GLB1: variants seen among roughly 807,000 people sequenced by gnomAD.
GLB1 encodes the protein galactosidase beta 1.
In GLB1, 56 loss-of-function variants were observed where a neutral mutation model predicts 74.0. The ratio of observed to expected loss-of-function variants is 0.76; its 90% CI spans 0.61 to 0.94. The LOEUF (loss-of-function observed/expected upper bound fraction) is 0.94, where lower values mean the gene tolerates loss of function less well. GLB1 is among the 40% of genes least tolerant of loss of function. The probability of loss-of-function intolerance (pLI) is 0.00; values close to 1 mark genes in which losing one functional copy is unlikely to be tolerated. For synonymous variants in GLB1, 323 were observed against 323.6 expected (o/e 1.00, Z 0.02); for missense variants, 787 against 845.5 (o/e 0.93, Z 0.86).
At chr3:33,088,368 T>TAC (rs55949952) in intron 1 of GLB1, among the ~76,000 whole-genome samples, 11,739 of 141,628 alleles carry the variant, frequency 0.083, 493 homozygotes, top group Non-Finnish European at 0.093. Flanking sequence ...CCCTAAAGAC[T>TAC]ACACACACAC....
At chr3:33,024,216 T>A in intron 11 of GLB1, 35 bp downstream of exon 11, 1 of 1,582,648 alleles carries the variant, frequency 6.3e-7, no homozygotes, top group Non-Finnish European at 8.6e-7. Flanking sequence ...CTCCCATCTC[T>A]CACTTTCAAA....
chr3:33,020,918 T>G (rs2125473481), intron 12 of GLB1, among the ~76,000 whole-genome samples: 1 of 152,150 alleles, frequency 6.6e-6, no homozygotes, highest in African/African-American at 2.4e-5. Context: ...AAAAAGGCAA[T>G]TAAAGCACTG....
At chr3:33,069,389 TAAAG>T (rs1699812128) in intron 2 of GLB1, among the ~76,000 whole-genome samples, 1 of 151,442 alleles carries the variant, frequency 6.6e-6, no homozygotes, top group African/African-American at 2.4e-5. Flanking sequence ...TGTGTCAAAA[TAAAG>T]AAAGAAAAGA....
intron 1 of GLB1, chr3:33,091,569 C>G (rs142859087): frequency 2.0e-6 from 2 of 985,422 alleles, no homozygotes; most frequent in Non-Finnish European, 2.4e-6. Context: ...TTACTGTGCA[C>G]GCTGTGCCAT....
intron 10 of GLB1, chr3:33,033,898 T>C: frequency 1.9e-6 from 1 of 532,228 alleles, no homozygotes. Context: ...ATACCTCCCA[T>C]AAGGATATGA....
chr3:33,065,436 T>G (rs1699631942), intron 5 of GLB1, 27 bp downstream of exon 5: 1 of 1,561,590 alleles, frequency 6.4e-7, no homozygotes, highest in African/African-American at 1.4e-5. Flanking sequence ...CCTCCCCCAA[T>G]CCATCCATGC....
At chr3:33,005,264 G>GGGCCCT (rs1175030841) in intron 15 of GLB1, among the ~76,000 whole-genome samples, 1 of 152,158 alleles carries the variant, frequency 6.6e-6, no homozygotes, top group Non-Finnish European at 1.5e-5. Flanking sequence ...AAGGGTTTTA[G>GGGCCCT]GGCCCTGGAA....
the GLB1 span, among the ~76,000 whole-genome samples, chr3:32,971,712 G>T: frequency 1.3e-5 from 2 of 152,160 alleles, no homozygotes; most frequent in African/African-American, 4.8e-5. Context: ...ATTATGATGA[G>T]ACTAAAAACA....
intron 12 of GLB1, among the ~76,000 whole-genome samples, chr3:33,020,474 T>C (rs1211487249): frequency 6.6e-6 from 1 of 152,148 alleles, no homozygotes; most frequent in Non-Finnish European, 1.5e-5. Flanking sequence ...CCTGCTATCA[T>C]TCCCTGAGAA....
chr3:32,975,442 G>C, the GLB1 span, among the ~76,000 whole-genome samples: 2 of 152,086 alleles, frequency 1.3e-5, no homozygotes, highest in East Asian at 3.9e-4. Flanking sequence ...TAAACAAATA[G>C]TTCTCTGGGG....
chr3:32,989,559 G>A, the GLB1 span, among the ~76,000 whole-genome samples: 40,311 of 152,056 alleles, frequency 0.27, 5,565 homozygotes, highest in African/African-American at 0.34. Context: ...CACATATACC[G>A]GGCATTCTGC....
Position 33,018,451 on chromosome 3 carries a change from A to T in GLB1, c.1344T>A (p.Asp448Glu). 6.2e-7 allele frequency: 1 copy of T among 1,614,086 alleles called. No individual in the cohort carries two copies. Among genetic ancestry groups the T allele is most frequent in the Non-Finnish European group, 8.5e-7 (1 of 1,180,016 alleles). ...ACAGTTCAGAGACGATTCTTACCCC[A>T]TCCACAGCAACATATGCTCGATCGT... Reference protein sequence around the residue: ...GVHDRAYVAVDGIPQGVLERN... With the variant: ...GVHDRAYVAVEGIPQGVLERN... The change falls in exon 13 of 16, where the codon GAT (aspartate) becomes GAA (glutamate). Residue 448 changes from aspartate to glutamate, a missense_variant. Physicochemically the swap from Asp to Glu is conservative, Grantham distance 45. Coordinates refer to ENST00000307363, the MANE Select transcript of GLB1 (RefSeq NM_000404.4).
In GLB1 at chr3:33,072,810, T is replaced by C. The variant is rs897325742; in HGVS notation, c.76-97A>G. On this transcript the variant is annotated intron_variant, in intron 1 of 15. Transcript: ENST00000307363. ...GCAAGTGACTCTCTGCCTATTGAAT[T>C]TGTATAATGTGCTGATGGACTTAAT... 5.2e-6 allele frequency: 8 copies of C among 1,550,058 alleles called. No individual in the cohort carries two copies. The Admixed American group carries it at 5.6e-5, about 11-fold the overall frequency.
At chr3:33,085,504 A>G (rs1008167597) in intron 1 of GLB1, among the ~76,000 whole-genome samples, 2 of 152,108 alleles carry the variant, frequency 1.3e-5, no homozygotes, top group African/African-American at 4.8e-5. Context: ...TCTCTCTAAA[A>G]AAGTATTGCA....
intron 15 of GLB1, among the ~76,000 whole-genome samples, chr3:33,013,605 G>A (rs35533674): frequency 0.15 from 22,222 of 152,176 alleles, 1,697 homozygotes; most frequent in Non-Finnish European, 0.16. Context: ...ATGAGGAAGA[G>A]TGGAGAAGCA....
At chr3:33,091,990 G>T in intron 1 of GLB1, 1 of 983,282 alleles carries the variant, frequency 1.0e-6, no homozygotes, top group Non-Finnish European at 1.2e-6. Context: ...TACTGCCTGT[G>T]CCCTATCTCT....
At chr3:33,023,529 C>A (rs764496985) in intron 11 of GLB1, among the ~76,000 whole-genome samples, 3 of 150,436 alleles carry the variant, frequency 2.0e-5, no homozygotes, top group Non-Finnish European at 4.4e-5. Context: ...TTTAGGATAT[C>A]GAGATTCTTA....
chr3:33,004,376 T>C (rs1183638229), intron 15 of GLB1, among the ~76,000 whole-genome samples: 1 of 152,168 alleles, frequency 6.6e-6, no homozygotes, highest in Non-Finnish European at 1.5e-5. Flanking sequence ...AAATAAACTG[T>C]TGTCGTTTTA....
At chr3:33,021,800 G>A (rs549188971) in intron 11 of GLB1, 145 bp from the exon 12 acceptor site, 1 of 895,102 alleles carries the variant, frequency 1.1e-6, no homozygotes, top group African/African-American at 1.6e-5. Flanking sequence ...ACTCAGTATT[G>A]CTTCCCAGTC....
Sources: gnomAD v4.1 joint callset for allele counts (sites outside exome capture counted in the v4.1 genomes callset) on GRCh38, gnomAD v4.1.1 for gene constraint, MANE v1.5 for transcripts, NCBI Gene and HGNC (gene_info 2026-07-23, HGNC 2026-07-21) for gene names.